The following ELF2 variants were observed in gnomAD, a reference collection of about 807,000 sequenced individuals.
ELF2 encodes ETS-related transcription factor Elf-2.
Under a neutral mutation model 54.8 loss-of-function variants are expected in ELF2, and 11 were observed. The observed-to-expected ratio is 0.20, with a 90% confidence interval of 0.13 to 0.33. ELF2 has a LOEUF of 0.33. ELF2 is among the 10% of genes least tolerant of loss of function. The pLI, the probability that ELF2 is intolerant of heterozygous loss-of-function variation, is 1.00. For missense variants in ELF2, 513 were observed against 703.0 expected, an observed-to-expected ratio of 0.73 and a Z score of 3.06; for synonymous variants, 203 against 245.1, an observed-to-expected ratio of 0.83 and a Z score of 1.61.
intron 7 of ELF2, among the ~76,000 whole-genome samples, chr4:139,064,195 C>G (rs1483023226): frequency 6.6e-6 from 1 of 152,220 alleles, no homozygotes. Flanking sequence ...GTAATCCCAG[C>G]TACTCGCAAG....
intron 4 of ELF2, among the ~76,000 whole-genome samples, chr4:139,114,647 T>C (rs868812684): frequency 0.026 from 3,244 of 125,722 alleles, 114 homozygotes; most frequent in South Asian, 0.13. Flanking sequence ...TCTTTCTTTT[T>C]TTTTTTTTTT....
At chr4:139,131,248 T>C (rs1280483989) in intron 3 of ELF2, among the ~76,000 whole-genome samples, 1 of 152,230 alleles carries the variant, frequency 6.6e-6, no homozygotes, top group Non-Finnish European at 1.5e-5. Context: ...AAGTCATTTG[T>C]TGTTTATCTG....
At chr4:139,168,769 T>C (rs1252760410) in intron 1 of ELF2, among the ~76,000 whole-genome samples, 1 of 152,160 alleles carries the variant, frequency 6.6e-6, no homozygotes, top group Non-Finnish European at 1.5e-5. Flanking sequence ...GGTCTCACCA[T>C]GTTGCCCAGG....
At chr4:139,063,665 GAAAT>G (rs1313915305) in intron 7 of ELF2, among the ~76,000 whole-genome samples, 1 of 152,064 alleles carries the variant, frequency 6.6e-6, no homozygotes. Context: ...AACAATGCAA[GAAAT>G]AAATAACAAT....
chr4:139,164,126 GAGAAAGAGAAAGA>G (rs1741465058), intron 1 of ELF2, among the ~76,000 whole-genome samples: 2 of 146,322 alleles, frequency 1.4e-5, no homozygotes, highest in African/African-American at 5.1e-5. Context: ...AAGGGAGAGA[GAGAAAGAGAAAGA>G]AGAGAGAGAA....
intron 4 of ELF2, among the ~76,000 whole-genome samples, chr4:139,075,121 T>C (rs1186429623): frequency 6.6e-6 from 1 of 152,256 alleles, no homozygotes; most frequent in Admixed American, 6.5e-5. Flanking sequence ...CTTCAAATTC[T>C]ACCACGCTTT....
chr4:139,084,470 G>C, intron 4 of ELF2: 1 of 1,096,898 alleles, frequency 9.1e-7, no homozygotes, highest in South Asian at 3.9e-5. Context: ...GGCTGTGGCT[G>C]TGGCGGCCGC....
intron 4 of ELF2, among the ~76,000 whole-genome samples, chr4:139,074,009 T>A (rs1429720929): frequency 1.3e-5 from 2 of 152,124 alleles, no homozygotes; most frequent in Non-Finnish European, 2.9e-5. Context: ...ATGCCTGTAA[T>A]CCCAGCTACT....
Position 139,131,182 on chromosome 4 carries a change from C to A in ELF2, c.73-5853G>T, listed in dbSNP as rs1031378638. ...GTTAAATTTGAATTTCAGAGAAACA[C>A]TGAATAATAACTGTAAGAATGTCCC... On this transcript the variant is annotated intron_variant, in intron 3 of 9. Transcript: ENST00000686138. Among the ~76,000 whole-genome samples, 4 of 152,212 alleles carry A rather than the reference C, an allele frequency of 2.6e-5. No individual in the cohort carries two copies. In the South Asian group the frequency reaches 8.3e-4, roughly 32 times the overall value.
chr4:139,133,281 T>C lies in ELF2; in HGVS notation c.72+4349A>G, dbSNP rs549444981. 4.6e-5 allele frequency among the ~76,000 whole-genome samples: 7 copies of C among 152,310 alleles called. No homozygotes were observed. The East Asian group carries it at 1.2e-3, about 25-fold the overall frequency. Reference sequence around the variant, plus strand: ...TAGCTGCTCCTTATCCTTTCCAACATGTGGTATCACTCTCATCAATTTTCC... The same window carrying C: ...TAGCTGCTCCTTATCCTTTCCAACACGTGGTATCACTCTCATCAATTTTCC... On this transcript the variant is annotated intron_variant, in intron 3 of 9. Transcript: ENST00000686138.
Position 139,115,434 on chromosome 4 carries a change from C to T in ELF2, c.238+9730G>A, listed in dbSNP as rs1327548156. The T allele has an allele frequency of 5.1e-6, 5 of 984,260 alleles. No homozygotes were observed. In the African/African-American group the frequency reaches 8.8e-5, roughly 17 times the overall value. 61.0% of individuals were successfully genotyped at this position (984,260 alleles called of 1,614,324 possible). A position where few individuals can be genotyped will look rare whatever the true frequency, so the allele number is the denominator to read the frequency against. On this transcript the variant is annotated intron_variant, in intron 4 of 9. Transcript: ENST00000686138. ...CCTCCCTGCGCCACCGCCTCCGGGA[C>T]GCCCCCGGCTGGCTGGGGTTAGCTC...
At chr4:139,076,633 G>A (rs1179682637) in intron 4 of ELF2, among the ~76,000 whole-genome samples, 3 of 151,976 alleles carry the variant, frequency 2.0e-5, no homozygotes, top group Admixed American at 2.0e-4. Context: ...AGAGCTTCAA[G>A]TATTCAATAA....
chr4:139,072,580 G>C (rs1300785528), intron 5 of ELF2, among the ~76,000 whole-genome samples: 1 of 152,150 alleles, frequency 6.6e-6, no homozygotes, highest in African/African-American at 2.4e-5. Context: ...GGTATTTAAA[G>C]TTTTATTTAA....
At chr4:139,098,124 T>C (rs1199985896) in intron 4 of ELF2, among the ~76,000 whole-genome samples, 1 of 152,276 alleles carries the variant, frequency 6.6e-6, no homozygotes, top group Non-Finnish European at 1.5e-5. Context: ...AGGTACAATG[T>C]CCTATATATC....
At chr4:139,144,495 C>A (rs1560862800) in intron 1 of ELF2, among the ~76,000 whole-genome samples, 8 of 152,188 alleles carry the variant, frequency 5.3e-5, no homozygotes. Flanking sequence ...GGATGAACTG[C>A]CTTGGCTGAA....
intron 1 of ELF2, among the ~76,000 whole-genome samples, chr4:139,147,960 A>G (rs995170531): frequency 1.2e-4 from 18 of 150,952 alleles, no homozygotes; most frequent in Admixed American, 2.6e-4. Context: ...CTAATTTTGT[A>G]TTTTTAGTAG....
intron 1 of ELF2, among the ~76,000 whole-genome samples, chr4:139,175,335 T>C (rs1469843292): frequency 6.6e-6 from 1 of 152,240 alleles, no homozygotes; most frequent in Non-Finnish European, 1.5e-5. Context: ...ATAAATCCAA[T>C]GAGTTAAATC....
chr4:139,154,415 T>C (rs1560875364), intron 1 of ELF2, among the ~76,000 whole-genome samples: 1 of 145,738 alleles, frequency 6.9e-6, no homozygotes, highest in African/African-American at 2.5e-5. Context: ...TGATCTGTTA[T>C]TATCTTTTTA....
intron 1 of ELF2, among the ~76,000 whole-genome samples, chr4:139,156,029 T>C (rs1157285847): frequency 6.6e-6 from 1 of 152,218 alleles, no homozygotes; most frequent in Non-Finnish European, 1.5e-5. Flanking sequence ...GAAAGTGATA[T>C]AACTTGCCAA....
Sources: gnomAD v4.1 joint callset for allele counts (sites outside exome capture counted in the v4.1 genomes callset) on GRCh38, gnomAD v4.1.1 for gene constraint, MANE v1.5 for transcripts, NCBI Gene and HGNC (gene_info 2026-07-23, HGNC 2026-07-21) for gene names.